The following C2orf49 variants were observed in gnomAD, a reference collection of about 807,000 sequenced individuals.
C2orf49 encodes tRNA splicing ligase complex subunit 2, also known as tRNA-splicing ligase complex subunit ASW.
In C2orf49, 11 loss-of-function variants were observed where a neutral mutation model predicts 20.6. The ratio of observed to expected loss-of-function variants is 0.53; its 90% CI spans 0.34 to 0.88. The LOEUF is 0.88. Among genes scored for constraint, C2orf49 ranks in the 40% least tolerant of loss-of-function variants. The pLI is 0.02. For synonymous variants in C2orf49, 134 were observed against 108.5 expected (o/e 1.24, Z -1.46); for missense variants, 289 against 274.2 (o/e 1.05, Z -0.38).
chr2:105,355,689 CTT>C, the C2orf49 span, among the ~76,000 whole-genome samples: 1 of 151,412 alleles, frequency 6.6e-6, no homozygotes, highest in Non-Finnish European at 1.5e-5. Flanking sequence ...ATATTTTAAA[CTT>C]TTAAAATTTT....
At chr2:105,375,775 G>C in the C2orf49 span, 2 of 152,282 alleles carry the variant, frequency 1.3e-5, no homozygotes, top group Non-Finnish European at 2.9e-5. Flanking sequence ...GCAGGTTGCT[G>C]AAATGCCCAA....
chr2:105,365,807 TGTACTACA>T, the C2orf49 span, among the ~76,000 whole-genome samples: 4 of 151,646 alleles, frequency 2.6e-5, no homozygotes, highest in East Asian at 7.8e-4. Context: ...ATCATGCCAC[TGTACTACA>T]GCCCAGGTGG....
At chr2:105,337,721 G>GGGGGGGGGCCCCCCCCCCCC in intron 1 of C2orf49, 35 bp downstream of exon 1, 1 of 26,800 alleles carries the variant, frequency 3.7e-5, no homozygotes, top group Non-Finnish European at 6.6e-5. Flanking sequence ...GGGCGGGTGG[G>GGGGGGGGGCCCCCCCCCCCC]CCTTCCCAGG....
the C2orf49 span, among the ~76,000 whole-genome samples, chr2:105,354,472 C>T: frequency 6.6e-6 from 1 of 152,044 alleles, no homozygotes; most frequent in Non-Finnish European, 1.5e-5. Context: ...CGAGACCAGC[C>T]TGGCCAACAT....
chr2:105,358,625 T>C, the C2orf49 span: 1 of 152,254 alleles, frequency 6.6e-6, no homozygotes, highest in Non-Finnish European at 1.5e-5. Flanking sequence ...TAGTGGATTT[T>C]CCTGAATGAA....
the C2orf49 span, among the ~76,000 whole-genome samples, chr2:105,380,827 G>A: frequency 6.6e-6 from 1 of 152,108 alleles, no homozygotes; most frequent in African/African-American, 2.4e-5. Flanking sequence ...AAAATACCAA[G>A]GCTAATCTTG....
At chr2:105,337,713 G>GCCCACCCGCCCACC in intron 1 of C2orf49, 27 bp downstream of exon 1, 1 of 354,062 alleles carries the variant, frequency 2.8e-6, no homozygotes, top group Non-Finnish European at 5.8e-6. Flanking sequence ...CGGAGGGTGG[G>GCCCACCCGCCCACC]CGGGTGGGCC....
At chr2:105,367,739 C>T in the C2orf49 span, 1 of 1,613,050 alleles carries the variant, frequency 6.2e-7, no homozygotes. Context: ...CTTGCGGGTA[C>T]CTGTCATCAG....
At position 105,337,639 on chromosome 2, in the gene C2orf49, C is replaced by T; in HGVS notation, c.52C>T (p.His18Tyr). The T allele has an allele frequency of 3.1e-6, 5 of 1,589,272 alleles. No individual in the cohort carries two copies. The highest frequency in any genetic ancestry group is 4.3e-6 in the Non-Finnish European group (5 of 1,165,778). ...RSCTDSELLLHPELLSQEFLL... is the reference protein window; with the variant it reads ...RSCTDSELLLYPELLSQEFLL... Reference sequence around the variant, plus strand: ...CTGCACGGACTCGGAACTGCTGCTGCACCCGGAGCTGCTGTCCCAGGAGTT... The same window carrying T: ...CTGCACGGACTCGGAACTGCTGCTGTACCCGGAGCTGCTGTCCCAGGAGTT... The change falls in exon 1 of 4, where the codon CAC becomes TAC. Residue 18 changes from histidine (H) to tyrosine (Y), a missense_variant. Coordinates refer to ENST00000258457, the MANE Select transcript of C2orf49 (RefSeq NM_024093.3).
chr2:105,354,450 A>G, the C2orf49 span, among the ~76,000 whole-genome samples: 1 of 152,112 alleles, frequency 6.6e-6, no homozygotes, highest in Non-Finnish European at 1.5e-5. Context: ...TGGTAACTTG[A>G]GGTCAGGAGT....
chr2:105,344,516 A>C (rs1037744723), intron 3 of C2orf49, among the ~76,000 whole-genome samples: 1 of 152,038 alleles, frequency 6.6e-6, no homozygotes, highest in African/African-American at 2.4e-5. Flanking sequence ...ATTCTTTTTT[A>C]TGTAGGGCCC....
At chr2:105,352,963 A>G (rs2104462592), downstream of C2orf49, among the ~76,000 whole-genome samples, 1 of 152,204 alleles carries the variant, frequency 6.6e-6, no homozygotes, top group Middle Eastern at 3.4e-3. Flanking sequence ...TCTCCCTATA[A>G]CAGAATACCA....
downstream of C2orf49, among the ~76,000 whole-genome samples, chr2:105,353,701 TCTTA>T (rs1679990316): frequency 6.6e-6 from 1 of 152,216 alleles, no homozygotes; most frequent in African/African-American, 2.4e-5. Flanking sequence ...CTCTTCCAGA[TCTTA>T]CTTCTTGGTA....
At chr2:105,371,875 G>A in the C2orf49 span, among the ~76,000 whole-genome samples, 1 of 152,246 alleles carries the variant, frequency 6.6e-6, no homozygotes, top group South Asian at 2.1e-4. Context: ...TGTGGGGCAG[G>A]ACACAGGTCA....
chr2:105,364,669 G>C, the C2orf49 span, among the ~76,000 whole-genome samples: 1 of 152,304 alleles, frequency 6.6e-6, no homozygotes, highest in Admixed American at 6.5e-5. Flanking sequence ...GTGGAAGATG[G>C]AGTGCAAGCA....
the C2orf49 span, chr2:105,367,521 G>A: frequency 1.3e-6 from 2 of 1,554,108 alleles, no homozygotes; most frequent in Non-Finnish European, 1.7e-6. Context: ...ATGGACCATG[G>A]AGGCAAACCA....
the C2orf49 span, among the ~76,000 whole-genome samples, chr2:105,368,769 G>T: frequency 6.6e-6 from 1 of 152,242 alleles, no homozygotes; most frequent in South Asian, 2.1e-4. Context: ...CCAGATAGGC[G>T]TATAAACAAG....
the C2orf49 span, among the ~76,000 whole-genome samples, chr2:105,370,234 G>C: frequency 1.3e-5 from 2 of 152,110 alleles, no homozygotes; most frequent in African/African-American, 4.8e-5. Context: ...AATTAGGCGG[G>C]TGTGGTGGTG....
chr2:105,362,546 G>A, the C2orf49 span, among the ~76,000 whole-genome samples: 1 of 152,186 alleles, frequency 6.6e-6, no homozygotes, highest in East Asian at 1.9e-4. Flanking sequence ...TGATAGGAAC[G>A]AACCAGTCAA....
Sources: gnomAD v4.1 joint callset for allele counts (sites outside exome capture counted in the v4.1 genomes callset) on GRCh38, gnomAD v4.1.1 for gene constraint, MANE v1.5 for transcripts, NCBI Gene and HGNC (gene_info 2026-07-23, HGNC 2026-07-21) for gene names.